RBFOX1: variants seen among roughly 807,000 people sequenced by gnomAD.
The protein encoded by RBFOX1 is RNA binding protein fox-1 homolog 1.
Under a neutral mutation model 57.7 loss-of-function variants are expected in RBFOX1, and 8 were observed. The observed-to-expected ratio is 0.14, with a 90% CI of 0.08 to 0.25. The LOEUF (loss-of-function observed/expected upper bound fraction) is 0.25, where lower values mean the gene tolerates loss of function less well. RBFOX1 is among the 10% of genes least tolerant of loss of function. The pLI, the probability that RBFOX1 is intolerant of heterozygous loss-of-function variation, is 1.00. For missense variants in RBFOX1, 611 were observed against 548.5 expected (o/e 1.11, Z -1.14); for synonymous variants, 326 against 222.4 (o/e 1.47, Z -4.15).
chr16:5,284,921 T>C (rs1205335795), intron 1 of RBFOX1, among the ~76,000 whole-genome samples: 2 of 152,054 alleles, frequency 1.3e-5, no homozygotes, highest in African/African-American at 4.8e-5. Context: ...TTGACAGTTT[T>C]ATCATAATGT....
At position 5,946,803 on chromosome 16, in the gene RBFOX1, C is replaced by G. The variant is rs769344682; in HGVS notation, c.351+79468C>G. The stretch of plus-strand genomic sequence containing the variant: ...CCAGGTGGATCATGTCAGAATTGAA[C>G]TGTAGGACACCCAGTTGGTGATGGC... On this transcript the variant is annotated intron_variant, in intron 4 of 19. Coordinates refer to the RBFOX1 transcript ENST00000641259. This position sits in a 1 kb window ranked among gnomAD's most constrained non-coding sequence, Gnocchi z 4.6. Among the ~76,000 whole-genome samples, 1 of 152,144 alleles carries G rather than the reference C, an allele frequency of 6.6e-6. No individual in the cohort carries two copies. Among genetic ancestry groups the G allele is most frequent in the Non-Finnish European group, 1.5e-5 (1 of 68,022 alleles).
chr16:6,679,412 C>T (rs1603374161), intron 3 of RBFOX1, among the ~76,000 whole-genome samples: 1 of 152,086 alleles, frequency 6.6e-6, no homozygotes, highest in East Asian at 1.9e-4. Context: ...CTTCTCCATG[C>T]TTGCTGCAGA....
In RBFOX1 at chr16:5,576,158, A is replaced by AT. The variant is rs201774860; in HGVS notation, c.259-22736dup. 6.3e-3 allele frequency among the ~76,000 whole-genome samples: 956 copies of AT among 151,712 alleles called. 15 individuals are homozygous for AT. Among genetic ancestry groups the AT allele is most frequent in the African/African-American group, 0.021 (871 of 41,370 alleles). On this transcript the variant is annotated intron_variant, in intron 2 of 2. Coordinates refer to the RBFOX1 transcript ENST00000585867. ...GCCACCATATCCGGCTAATGTTTGT[A>AT]TTTTTTTTAGTAGAGATGGGGTTTT...
At chr16:6,667,772 C>G (rs1204365144) in intron 3 of RBFOX1, among the ~76,000 whole-genome samples, 1 of 151,892 alleles carries the variant, frequency 6.6e-6, no homozygotes, top group African/African-American at 2.4e-5. Flanking sequence ...GCCTGTAGTC[C>G]CAGCTACTCA....
intron 1 of RBFOX1, among the ~76,000 whole-genome samples, chr16:6,020,699 AG>A (rs368401986): frequency 0.15 from 23,149 of 151,596 alleles, 1,951 homozygotes; most frequent in East Asian, 0.23. Context: ...TGTGCAGGCC[AG>A]GGGGGGGCTT....
At chr16:7,245,450 C>G (rs1317508516) in intron 4 of RBFOX1, among the ~76,000 whole-genome samples, 1 of 91,618 alleles carries the variant, frequency 1.1e-5, no homozygotes, top group African/African-American at 8.9e-5. Context: ...ATGTTTGAAA[C>G]TCAAGGTTAA....
At chr16:7,202,202 C>T (rs185954239) in intron 4 of RBFOX1, among the ~76,000 whole-genome samples, 209 of 149,070 alleles carry the variant, frequency 1.4e-3, no homozygotes, top group African/African-American at 5.0e-3. Flanking sequence ...CCAATAAGCA[C>T]ATGAAAAAAG....
chr16:5,432,541 T>G (rs2067775606), intron 1 of RBFOX1, among the ~76,000 whole-genome samples: 1 of 142,250 alleles, frequency 7.0e-6, no homozygotes, highest in African/African-American at 2.8e-5. Flanking sequence ...TGGGGAGTTT[T>G]TTTTTTTTTG....
intron 2 of RBFOX1, among the ~76,000 whole-genome samples, chr16:6,351,918 G>C (rs117808262): frequency 0.017 from 2,560 of 152,238 alleles, 42 homozygotes; most frequent in Non-Finnish European, 0.026. Flanking sequence ...CACCAATGGG[G>C]AGTATACGGG....
chr16:6,447,269 C>T (rs896788058), intron 2 of RBFOX1, among the ~76,000 whole-genome samples: 1 of 152,134 alleles, frequency 6.6e-6, no homozygotes, highest in East Asian at 1.9e-4. Flanking sequence ...AGTTTGGAAC[C>T]TGTGGCCATC....
At chr16:6,475,668 A>G (rs2095261322) in intron 2 of RBFOX1, among the ~76,000 whole-genome samples, 1 of 152,248 alleles carries the variant, frequency 6.6e-6, no homozygotes, top group South Asian at 2.1e-4. Context: ...AGGTGTCAGG[A>G]CAAAGAAAAT....
chr16:7,007,408 G>A (rs986956900), intron 3 of RBFOX1, among the ~76,000 whole-genome samples: 10 of 152,266 alleles, frequency 6.6e-5, no homozygotes, highest in Admixed American at 5.2e-4. Context: ...GATTAGATGG[G>A]ATTTTCCCCA....
chr16:7,063,683 G>A (rs565366185), intron 4 of RBFOX1, among the ~76,000 whole-genome samples: 105 of 152,058 alleles, frequency 6.9e-4, no homozygotes, highest in African/African-American at 2.4e-3. Context: ...TCAACCAACT[G>A]TGCTTCAAAT....
chr16:6,690,754 C>CTTTCT (rs991731493), intron 3 of RBFOX1, among the ~76,000 whole-genome samples: 1 of 40,388 alleles, frequency 2.5e-5, no homozygotes, highest in African/African-American at 8.2e-5. Flanking sequence ...TCTTTTCTTT[C>CTTTCT]TTTCTTTTTT....
chr16:6,483,392 C>A (rs1024013627), intron 2 of RBFOX1: 1 of 1,531,788 alleles, frequency 6.5e-7, no homozygotes, highest in African/African-American at 1.4e-5. Context: ...CGACAGATGA[C>A]TGGAGTCATT....
At chr16:5,831,490 T>TATC (rs1471378982) in intron 3 of RBFOX1, among the ~76,000 whole-genome samples, 1 of 148,216 alleles carries the variant, frequency 6.7e-6, no homozygotes, top group Non-Finnish European at 1.5e-5. Context: ...TTATTATTAT[T>TATC]ATTATTATTA....
At chr16:7,093,194 G>C (rs111885248) in intron 4 of RBFOX1, among the ~76,000 whole-genome samples, 1 of 152,132 alleles carries the variant, frequency 6.6e-6, no homozygotes, top group African/African-American at 2.4e-5. Flanking sequence ...CACCCATACT[G>C]GTCACCGTGT....
chr16:6,085,604 T>C (rs1023756292), intron 1 of RBFOX1, among the ~76,000 whole-genome samples: 5 of 152,050 alleles, frequency 3.3e-5, no homozygotes, highest in Admixed American at 6.6e-5. Flanking sequence ...CTTGGTTCTA[T>C]GCCCCTGATG....
At chr16:7,132,768 A>G (rs533529472) in intron 4 of RBFOX1, among the ~76,000 whole-genome samples, 2 of 152,168 alleles carry the variant, frequency 1.3e-5, no homozygotes, top group Non-Finnish European at 2.9e-5. Flanking sequence ...TTATATAGCT[A>G]TTTCAAATAC....
Sources: gnomAD v4.1 joint callset for allele counts (sites outside exome capture counted in the v4.1 genomes callset) on GRCh38, gnomAD v4.1.1 for gene constraint, Gnocchi (gnomAD v3.1) non-coding constraint, MANE v1.5 for transcripts, NCBI Gene and HGNC (gene_info 2026-07-23, HGNC 2026-07-21) for gene names.